Variants in RHOT1 observed in about 807,000 individuals in gnomAD.
The protein encoded by RHOT1 is mitochondrial Rho GTPase 1.
RHOT1 carries 27 observed loss-of-function variants against 95.3 expected under a neutral mutation model. The observed-to-expected ratio is 0.28, with a 90% CI of 0.21 to 0.39. The LOEUF is 0.39. Ranked by LOEUF, RHOT1 falls within the 10% of genes least tolerant of loss-of-function variation. The pLI, the probability that RHOT1 is intolerant of heterozygous loss-of-function variation, is 1.00. For missense variants in RHOT1, 578 were observed against 786.7 expected (o/e 0.73, Z 3.17); for synonymous variants, 227 against 263.5 (o/e 0.86, Z 1.34).
chr17:32,169,096 G>T (rs1295073813), intron 1 of RHOT1, among the ~76,000 whole-genome samples: 3 of 152,128 alleles, frequency 2.0e-5, no homozygotes. Context: ...GCGGTACTCG[G>T]TTGTTCATAG....
intron 1 of RHOT1, among the ~76,000 whole-genome samples, chr17:32,149,230 A>G (rs1284100854): frequency 6.6e-6 from 1 of 151,742 alleles, no homozygotes; most frequent in Admixed American, 6.6e-5. Flanking sequence ...TTTTATTATA[A>G]ATTTTATTTG....
chr17:32,180,657 A>G lies in RHOT1; in HGVS notation c.330-2100A>G, dbSNP rs573200462. ...AACATTAAAAAAAAAAGTACAAGAA[A>G]AAAAAAAAGAAATAATAAATGCTTA... is the stretch of plus-strand genomic sequence containing the variant. On this transcript the variant is annotated intron_variant, in intron 6 of 19. Transcript: ENST00000545287. Among the ~76,000 whole-genome samples the G allele has an allele frequency of 4.0e-5, 6 of 150,128 alleles. No individual in the cohort carries two copies. In the South Asian group the frequency reaches 6.3e-4, roughly 16 times the overall value.
In RHOT1 at chr17:32,222,583, T is replaced by A. The variant is rs183675375; in HGVS notation, c.1863-2033T>A. 6.3e-3 allele frequency among the ~76,000 whole-genome samples: 961 copies of A among 152,208 alleles called. 10 individuals are homozygous for A. Among genetic ancestry groups the A allele is most frequent in the African/African-American group, 0.022 (924 of 41,510 alleles). ...AGTACATACAGATAGATTTTTTTTT[T>A]AAGTTTGGCAATTTGCTATAGAATA... is the stretch of plus-strand genomic sequence containing the variant. On this transcript the variant is annotated intron_variant, in intron 19 of 19. Transcript: ENST00000545287.
intron 8 of RHOT1, among the ~76,000 whole-genome samples, chr17:32,184,868 G>C (rs562246028): frequency 4.6e-5 from 7 of 151,948 alleles, no homozygotes; most frequent in African/African-American, 1.7e-4. Context: ...CTACTTTTAG[G>C]CTATTACGAA....
intron 1 of RHOT1, among the ~76,000 whole-genome samples, chr17:32,167,104 G>A (rs928970115): frequency 2.0e-5 from 3 of 152,150 alleles, no homozygotes; most frequent in Non-Finnish European, 4.4e-5. Context: ...TGTCATGTTA[G>A]CAGGCACGAA....
At chr17:32,165,520 C>G (rs1371696116) in intron 1 of RHOT1, among the ~76,000 whole-genome samples, 1 of 146,576 alleles carries the variant, frequency 6.8e-6, no homozygotes, top group East Asian at 2.0e-4. Context: ...GAGACCCTGT[C>G]TCAAAAAAAA....
chr17:32,196,275 C>T (rs755703597), intron 11 of RHOT1, among the ~76,000 whole-genome samples: 12 of 151,018 alleles, frequency 7.9e-5, no homozygotes, highest in African/African-American at 2.7e-4. Flanking sequence ...ACTGTGGCCT[C>T]GGCCTCCTGG....
In RHOT1 at chr17:32,203,930, C is replaced by G. The variant is rs753513356; in HGVS notation, c.1373C>G (p.Ala458Gly). 1.9e-6 allele frequency: 3 copies of G among 1,612,454 alleles called. No individual in the cohort carries two copies. The South Asian group carries it at 3.3e-5, about 18-fold the overall frequency. Reference sequence around the variant, plus strand: ...CGTGAAGATCATAAATCCTACTATGCGATTAACACTGTTTATGTATATGGA... The same window carrying G: ...CGTGAAGATCATAAATCCTACTATGGGATTAACACTGTTTATGTATATGGA... ...KIREDHKSYY[A>G]INTVYVYGQE... is the part of the protein sequence containing the mutation. The change falls in exon 16 of 20, where the codon GCG becomes GGG. Residue 458 changes from alanine to glycine, a missense_variant. Ala to Gly is a moderately conservative substitution (Grantham distance 60). This residue lies in a region of RHOT1 where 296 missense variants were observed against 338.5 expected (regional missense o/e 0.87). Transcript: ENST00000545287.
intron 15 of RHOT1, among the ~76,000 whole-genome samples, chr17:32,203,271 T>TC (rs1350170035): frequency 4.0e-4 from 32 of 80,518 alleles, no homozygotes; most frequent in African/African-American, 6.6e-4. Flanking sequence ...TTCTTCTTCT[T>TC]TTTTTTTTTT....
intron 16 of RHOT1, among the ~76,000 whole-genome samples, chr17:32,206,646 G>C (rs981674438): frequency 1.3e-5 from 2 of 151,474 alleles, no homozygotes; most frequent in African/African-American, 4.9e-5. Flanking sequence ...GTATAGGCAG[G>C]GTTTCACTAT....
Position 32,225,393 on chromosome 17 carries a change from C to T in RHOT1, c.*660C>T, listed in dbSNP as rs887640278. 6.6e-6 allele frequency: 1 copy of T among 152,490 alleles called. No homozygotes were observed. Among genetic ancestry groups the T allele is most frequent in the Non-Finnish European group, 1.5e-5 (1 of 68,026 alleles). 9.4% of individuals were successfully genotyped at this position (152,490 alleles called of 1,614,324 possible). ...AGGCGTTATCTATGTGATTATGTTG[C>T]TTCCTTGTCAGTATGTTGAATTTTA... On this transcript the variant is annotated 3_prime_UTR_variant, in exon 20 of 20. Coordinates refer to ENST00000545287, the MANE Select transcript of RHOT1 (RefSeq NM_001033566.3).
At chr17:32,147,602 C>T (rs1032183722) in intron 1 of RHOT1, among the ~76,000 whole-genome samples, 3 of 151,850 alleles carry the variant, frequency 2.0e-5, no homozygotes, top group Non-Finnish European at 4.4e-5. Context: ...GTGGGTGGCT[C>T]AAAGGTCAAG....
chr17:32,190,757 A>G (rs1035750679), intron 8 of RHOT1, among the ~76,000 whole-genome samples: 4 of 152,200 alleles, frequency 2.6e-5, no homozygotes, highest in Non-Finnish European at 5.9e-5. Context: ...TATAGATGTT[A>G]TAGTCCATTT....
At chr17:32,221,370 C>CAAAA (rs397805349) in intron 19 of RHOT1, among the ~76,000 whole-genome samples, 51 of 67,968 alleles carry the variant, frequency 7.5e-4, no homozygotes, top group African/African-American at 2.0e-3. Flanking sequence ...TCGTCTGTCT[C>CAAAA]AAAAAAAAAA....
chr17:32,198,910 A>G (rs1286015378), intron 11 of RHOT1, 37 bp from the exon 12 acceptor site: 1 of 1,329,766 alleles, frequency 7.5e-7, no homozygotes. Context: ...TTAACATTTG[A>G]TTAATGATTT....
intron 8 of RHOT1, among the ~76,000 whole-genome samples, chr17:32,190,702 C>T (rs903592820): frequency 1.1e-4 from 17 of 152,134 alleles, no homozygotes; most frequent in African/African-American, 3.6e-4. Context: ...TTTATAGAAG[C>T]ATTATCTTAC....
chr17:32,176,374 A>G (rs1249153358), intron 6 of RHOT1, among the ~76,000 whole-genome samples, 161 bp downstream of exon 6: 1 of 152,134 alleles, frequency 6.6e-6, no homozygotes, highest in Non-Finnish European at 1.5e-5. Flanking sequence ...GTCTGTTCAT[A>G]CACACACCCA....
At chr17:32,190,760 GT>G (rs2036429899) in intron 8 of RHOT1, among the ~76,000 whole-genome samples, 1 of 152,050 alleles carries the variant, frequency 6.6e-6, no homozygotes, top group Non-Finnish European at 1.5e-5. Flanking sequence ...AGATGTTATA[GT>G]CCATTTAGTA....
At chr17:32,142,779 C>T in intron 1 of RHOT1, 50 bp downstream of exon 1, 1 of 1,448,566 alleles carries the variant, frequency 6.9e-7, no homozygotes, top group Non-Finnish European at 9.2e-7. Flanking sequence ...CTCCCTGCCC[C>T]TGCAGCCCCT....
Sources: allele counts gnomAD v4.1 joint callset (sites outside exome capture counted in the v4.1 genomes callset), GRCh38; gene constraint gnomAD v4.1.1; regional missense constraint gnomAD v4.1.1; transcripts MANE v1.5; gene names NCBI Gene and HGNC (gene_info 2026-07-23, HGNC 2026-07-21).